The following DTD1 variants were observed in gnomAD, a reference collection of about 807,000 sequenced individuals.
DTD1 encodes D-tyrosyl-tRNA deacylase 1 homolog.
DTD1 carries 13 observed loss-of-function variants against 25.6 expected under a neutral mutation model. The observed-to-expected ratio is 0.51, with a 90% CI of 0.33 to 0.81. The LOEUF is 0.81. DTD1 is among the 30% of genes least tolerant of loss of function. The pLI is 0.02. For missense variants in DTD1, 193 were observed against 266.4 expected (o/e 0.72, Z 1.92); for synonymous variants, 110 against 103.6 (o/e 1.06, Z -0.37).
chr20:18,655,856 G>A (rs1017104997), intron 4 of DTD1, among the ~76,000 whole-genome samples: 5 of 151,826 alleles, frequency 3.3e-5, no homozygotes, highest in African/African-American at 9.7e-5. Flanking sequence ...AGCAATCTCC[G>A]CCTCCCAGGT....
intron 4 of DTD1, among the ~76,000 whole-genome samples, chr20:18,701,320 C>T (rs2061103564): frequency 1.3e-5 from 2 of 152,160 alleles, no homozygotes; most frequent in South Asian, 4.1e-4. Flanking sequence ...AAGAGATGTA[C>T]TAACAAGCAC....
chr20:18,688,782 G>A (rs2061028570), intron 4 of DTD1, among the ~76,000 whole-genome samples: 1 of 152,078 alleles, frequency 6.6e-6, no homozygotes. Flanking sequence ...CCAGGAATGT[G>A]GTGTTTAATT....
In DTD1 at chr20:18,729,905, C is replaced by T. The variant is rs138954778; in HGVS notation, c.478-14195C>T. Among the ~76,000 whole-genome samples, 202 of 152,178 alleles carry T rather than the reference C, an allele frequency of 1.3e-3. 1 individual carries two copies. The highest frequency in any genetic ancestry group is 3.4e-3 in the Middle Eastern group (1 of 294). ...CTCTCTCTGAGTGGCTTCTATTGCA[C>T]ATGTGTGTCCCTAGGCAGGTGGCCT... On this transcript the variant is annotated intron_variant, in intron 4 of 5. Transcript: ENST00000377452.
rs1384136198 is a variant in DTD1 at position 18,606,349 on chromosome 20, C to T, written c.370+10108C>T. ...TTGGTGGGAGTGTAAACTAGTTCAA[C>T]CGTTGTGGAAGTCAGTGTGGCGATT... On this transcript the variant is annotated intron_variant, in intron 3 of 5. Coordinates refer to ENST00000377452, the MANE Select transcript of DTD1 (RefSeq NM_080820.6). Among the ~76,000 whole-genome samples, 3 of 129,388 alleles carry T rather than the reference C, an allele frequency of 2.3e-5. No homozygotes were observed. In the East Asian group the frequency reaches 6.2e-4, roughly 27 times the overall value. The allele number at this position is 129,388 out of a possible 152,430, so 84.9% of individuals were successfully genotyped here.
At chr20:18,652,633 C>G (rs563004637) in intron 4 of DTD1, among the ~76,000 whole-genome samples, 113 of 152,194 alleles carry the variant, frequency 7.4e-4, no homozygotes, top group South Asian at 6.4e-3. Flanking sequence ...GGTCTGGCAC[C>G]CATAAGCGGA....
chr20:18,707,756 C>T (rs113820843), intron 4 of DTD1, among the ~76,000 whole-genome samples: 7 of 152,070 alleles, frequency 4.6e-5, no homozygotes, highest in South Asian at 2.1e-4. Context: ...AACACACACG[C>T]GCGCACACAC....
In DTD1 at chr20:18,588,864, G is replaced by A. The variant is rs1035622876; in HGVS notation, c.43+749G>A. ...CCAGATGATTAGTGTAGATAAAGTA[G>A]TCGTTTTAAGAAAACCACGGTACGA... On this transcript the variant is annotated intron_variant, in intron 1 of 5. Coordinates refer to ENST00000377452, the MANE Select transcript of DTD1 (RefSeq NM_080820.6). The A allele has an allele frequency of 4.1e-6, 4 of 985,254 alleles. No homozygotes were observed. The Admixed American group carries it at 2.5e-4, about 61-fold the overall frequency. The allele number at this position is 985,254 out of a possible 1,614,324, so 61.0% of individuals were successfully genotyped here.
intron 4 of DTD1, among the ~76,000 whole-genome samples, chr20:18,680,165 T>C (rs780866606): frequency 9.9e-5 from 15 of 152,104 alleles, no homozygotes; most frequent in Non-Finnish European, 1.9e-4. Flanking sequence ...AGAACTCATT[T>C]CTAACACCCA....
chr20:18,685,193 A>G (rs543497774), intron 4 of DTD1, among the ~76,000 whole-genome samples: 1 of 152,266 alleles, frequency 6.6e-6, no homozygotes, highest in East Asian at 1.9e-4. Context: ...CCAGCCACAA[A>G]CAGTTTTGAT....
intron 4 of DTD1, among the ~76,000 whole-genome samples, chr20:18,693,796 A>G (rs1044187530): frequency 6.6e-6 from 1 of 152,146 alleles, no homozygotes; most frequent in African/African-American, 2.4e-5. Flanking sequence ...TCAGTGAGGT[A>G]TTCACAGAGT....
intron 5 of DTD1, 47 bp downstream of exon 5, chr20:18,744,318 C>A: frequency 6.3e-7 from 1 of 1,582,784 alleles, no homozygotes; most frequent in Non-Finnish European, 8.6e-7. Context: ...TTTGGGGAAG[C>A]AGCAATGAAT....
intron 4 of DTD1, among the ~76,000 whole-genome samples, chr20:18,695,111 C>T (rs1420699213): frequency 1.3e-5 from 2 of 152,136 alleles, no homozygotes; most frequent in East Asian, 1.9e-4. Context: ...AGATCAGATC[C>T]TGCTTCCATG....
At chr20:18,700,058 T>C (rs2122456565) in intron 4 of DTD1, among the ~76,000 whole-genome samples, 1 of 152,330 alleles carries the variant, frequency 6.6e-6, no homozygotes, top group South Asian at 2.1e-4. Flanking sequence ...CATTTAGGTG[T>C]GTCTCAGCCT....
chr20:18,656,757 C>T (rs758658279), intron 4 of DTD1, among the ~76,000 whole-genome samples: 3 of 152,232 alleles, frequency 2.0e-5, no homozygotes, highest in African/African-American at 7.2e-5. Flanking sequence ...AGACTCCACA[C>T]GTGTCTCAGT....
intron 4 of DTD1, among the ~76,000 whole-genome samples, chr20:18,708,195 TTA>T (rs544973940): frequency 0.027 from 1,549 of 57,038 alleles, 128 homozygotes; most frequent in African/African-American, 0.092. Context: ...TATATATATA[TTA>T]TATATATATT....
At chr20:18,622,889 G>C (rs1381168910) in intron 3 of DTD1, among the ~76,000 whole-genome samples, 4 of 150,928 alleles carry the variant, frequency 2.7e-5, no homozygotes, top group East Asian at 1.9e-4. Context: ...CACTTTACCT[G>C]TCCTCTCCTT....
intron 5 of DTD1, among the ~76,000 whole-genome samples, chr20:18,745,388 G>A (rs1339672495): frequency 6.6e-6 from 1 of 152,196 alleles, no homozygotes. Context: ...CAAATACTGG[G>A]TGCAGATTTG....
At chr20:18,743,731 A>G (rs2061288410) in intron 4 of DTD1, among the ~76,000 whole-genome samples, 1 of 151,998 alleles carries the variant, frequency 6.6e-6, no homozygotes, top group Admixed American at 6.6e-5. Context: ...AGTAGAAGGT[A>G]ACTTGATGAG....
chr20:18,677,693 A>G (rs1353360351), intron 4 of DTD1, among the ~76,000 whole-genome samples: 1 of 152,136 alleles, frequency 6.6e-6, no homozygotes, highest in Non-Finnish European at 1.5e-5. Context: ...TGAAAGGAGA[A>G]CTGTTTCAGT....
Sources: gnomAD v4.1 joint callset for allele counts (sites outside exome capture counted in the v4.1 genomes callset) on GRCh38, gnomAD v4.1.1 for gene constraint, MANE v1.5 for transcripts, NCBI Gene and HGNC (gene_info 2026-07-23, HGNC 2026-07-21) for gene names.